CSMD1: variants seen among roughly 807,000 people sequenced by gnomAD.
CSMD1 encodes CUB and Sushi multiple domains 1.
Under a neutral mutation model 417.5 loss-of-function variants are expected in CSMD1, and 213 were observed. The observed-to-expected ratio is 0.51, with a 90% confidence interval of 0.46 to 0.57. The LOEUF (loss-of-function observed/expected upper bound fraction) is 0.57, where lower values mean the gene tolerates loss of function less well. CSMD1 is among the 20% of genes least tolerant of loss of function. The probability of loss-of-function intolerance (pLI) is 0.00; values close to 1 mark genes in which losing one functional copy is unlikely to be tolerated. For missense variants in CSMD1, 6,923 were observed against 4,529.7 expected (o/e 1.53, Z -15.17); for synonymous variants, 2,862 against 1,736.8 (o/e 1.65, Z -16.11).
chr8:3,081,956 C>G (rs1251498796), intron 49 of CSMD1, among the ~76,000 whole-genome samples: 1 of 152,128 alleles, frequency 6.6e-6, no homozygotes, highest in Non-Finnish European at 1.5e-5. Context: ...CATGAAGCTT[C>G]CTTTCCCTCA....
At chr8:3,839,059 C>A (rs11136672) in intron 5 of CSMD1, among the ~76,000 whole-genome samples, 1 of 123,200 alleles carries the variant, frequency 8.1e-6, no homozygotes, top group African/African-American at 3.0e-5. Flanking sequence ...AAATATATAG[C>A]CTATAGATAT....
At chr8:3,473,683 T>C (rs1817238538) in intron 11 of CSMD1, among the ~76,000 whole-genome samples, 1 of 152,218 alleles carries the variant, frequency 6.6e-6, no homozygotes, top group Non-Finnish European at 1.5e-5. Flanking sequence ...GAAGTCATTT[T>C]GTTGAATGTC....
At chr8:4,020,008 C>G (rs888452559) in intron 4 of CSMD1, among the ~76,000 whole-genome samples, 3 of 151,664 alleles carry the variant, frequency 2.0e-5, no homozygotes, top group Non-Finnish European at 4.4e-5. Context: ...TGCCATTCCG[C>G]TCTGGGCACT....
chr8:4,958,542 A>T (rs973876396), intron 1 of CSMD1, among the ~76,000 whole-genome samples: 1 of 152,198 alleles, frequency 6.6e-6, no homozygotes, highest in African/African-American at 2.4e-5. Flanking sequence ...CAGTTAATTT[A>T]TAAGCTCTTG....
At chr8:4,195,316 G>A (rs372232076) in intron 3 of CSMD1, among the ~76,000 whole-genome samples, 1 of 152,090 alleles carries the variant, frequency 6.6e-6, no homozygotes, top group Non-Finnish European at 1.5e-5. Context: ...AGGCAGAAAA[G>A]GCAAATTCTA....
intron 45 of CSMD1, among the ~76,000 whole-genome samples, chr8:3,107,373 C>T (rs903882638): frequency 1.3e-5 from 2 of 151,984 alleles, no homozygotes; most frequent in Admixed American, 1.3e-4. Context: ...TGAATGTGTC[C>T]CCCTAACTGA....
intron 5 of CSMD1, among the ~76,000 whole-genome samples, chr8:3,873,677 G>A (rs1805630659): frequency 2.0e-5 from 3 of 152,186 alleles, no homozygotes; most frequent in East Asian, 3.9e-4. Context: ...TATATGACAT[G>A]TATCCCTGAA....
At chr8:3,321,259 G>A (rs1465295884) in intron 23 of CSMD1, among the ~76,000 whole-genome samples, 1 of 152,116 alleles carries the variant, frequency 6.6e-6, no homozygotes, top group Non-Finnish European at 1.5e-5. Flanking sequence ...ACACCATGGT[G>A]AGTATTCACC....
intron 3 of CSMD1, among the ~76,000 whole-genome samples, chr8:4,385,070 G>C (rs192987242): frequency 6.6e-6 from 1 of 152,082 alleles, no homozygotes; most frequent in Non-Finnish European, 1.5e-5. Flanking sequence ...GTGATTACAG[G>C]TGCCTTCCAG....
At chr8:3,629,536 C>T (rs1042679248) in intron 7 of CSMD1, among the ~76,000 whole-genome samples, 1 of 152,196 alleles carries the variant, frequency 6.6e-6, no homozygotes, top group African/African-American at 2.4e-5. Flanking sequence ...ATCAGCTCCT[C>T]ATCTTTTTCT....
intron 10 of CSMD1, among the ~76,000 whole-genome samples, chr8:3,494,308 A>C (rs1796269406): frequency 1.3e-5 from 2 of 152,156 alleles, no homozygotes. Flanking sequence ...ACAATGGTTT[A>C]TGTTTGATGT....
At chr8:4,770,546 A>T (rs1378587729) in intron 1 of CSMD1, among the ~76,000 whole-genome samples, 1 of 151,942 alleles carries the variant, frequency 6.6e-6, no homozygotes, top group African/African-American at 2.4e-5. Context: ...AAGGCATTAC[A>T]CTTCCTGATT....
At chr8:3,474,933 T>G (rs1383707478) in intron 11 of CSMD1, among the ~76,000 whole-genome samples, 1 of 152,164 alleles carries the variant, frequency 6.6e-6, no homozygotes, top group African/African-American at 2.4e-5. Context: ...TTTGGAGAAA[T>G]AAGCCATCAT....
intron 2 of CSMD1, among the ~76,000 whole-genome samples, chr8:4,558,609 G>A (rs117343094): frequency 0.013 from 1,974 of 152,228 alleles, 26 homozygotes; most frequent in South Asian, 0.027. Flanking sequence ...GCTCACACCT[G>A]TAATCCCAGC....
intron 5 of CSMD1, among the ~76,000 whole-genome samples, chr8:3,831,815 C>A (rs190190014): frequency 6.6e-6 from 1 of 152,194 alleles, no homozygotes. Context: ...AAATGCTGCC[C>A]ATCATAATCT....
At chr8:3,726,330 A>G (rs144679070) in intron 6 of CSMD1, among the ~76,000 whole-genome samples, 9 of 152,324 alleles carry the variant, frequency 5.9e-5, no homozygotes, top group Non-Finnish European at 1.2e-4. Context: ...TAGGCCAATA[A>G]TAATTCCGGT....
At position 4,413,476 on chromosome 8, in the gene CSMD1, T is replaced by G. The variant is rs180950006; in HGVS notation, c.415+6477A>C. 2.2e-3 allele frequency among the ~76,000 whole-genome samples: 337 copies of G among 152,330 alleles called. 2 individuals carry two copies. Among genetic ancestry groups the G allele is most frequent in the Non-Finnish European group, 3.7e-3 (255 of 68,018 alleles). On this transcript the variant is annotated intron_variant, in intron 3 of 69. Coordinates refer to ENST00000635120, the MANE Select transcript of CSMD1 (RefSeq NM_033225.6). ...TGACTTGATTGTCTTAAAGCTGTAC[T>G]TTCAGAAGGCAATTATATCTCTGCT...
chr8:3,007,086 A>G (rs1232590620), intron 52 of CSMD1, among the ~76,000 whole-genome samples: 7 of 147,790 alleles, frequency 4.7e-5, no homozygotes, highest in Non-Finnish European at 1.0e-4. Context: ...AGAAAAAAAC[A>G]AACAACCCCA....
At chr8:4,759,940 AC>A (rs2117090092) in intron 1 of CSMD1, among the ~76,000 whole-genome samples, 1 of 152,312 alleles carries the variant, frequency 6.6e-6, no homozygotes, top group Non-Finnish European at 1.5e-5. Context: ...ACATGGAATT[AC>A]TAGGTCAAAG....
Sources: gnomAD v4.1 joint callset for allele counts (sites outside exome capture counted in the v4.1 genomes callset) on GRCh38, gnomAD v4.1.1 for gene constraint, MANE v1.5 for transcripts, NCBI Gene and HGNC (gene_info 2026-07-23, HGNC 2026-07-21) for gene names.